LGSN: variants seen among roughly 807,000 people sequenced by gnomAD.
LGSN encodes the protein lengsin.
In LGSN, 21 loss-of-function variants were observed where a neutral mutation model predicts 19.5. The ratio of observed to expected loss-of-function variants is 1.07; its 90% confidence interval spans 0.76 to 1.55. The LOEUF (loss-of-function observed/expected upper bound fraction) is 1.55, where lower values mean the gene tolerates loss of function less well. Among genes scored for constraint, LGSN ranks in the 40% most tolerant of loss-of-function variants. The pLI is 0.00. For missense variants in LGSN, 673 were observed against 608.5 expected (o/e 1.11, Z -1.12); for synonymous variants, 257 against 215.6 (o/e 1.19, Z -1.68).
chr6:63,452,342 G>T, the LGSN span, among the ~76,000 whole-genome samples: 2 of 152,010 alleles, frequency 1.3e-5, no homozygotes, highest in Non-Finnish European at 2.9e-5. Flanking sequence ...TCAAGCTCGT[G>T]GGCTGAAGCA....
At chr6:63,536,160 C>T in the LGSN span, among the ~76,000 whole-genome samples, 1 of 152,082 alleles carries the variant, frequency 6.6e-6, no homozygotes, top group Non-Finnish European at 1.5e-5. Flanking sequence ...GATGAAACCA[C>T]GTCTCTACCA....
chr6:63,343,573 C>A, the LGSN span, among the ~76,000 whole-genome samples: 1 of 152,098 alleles, frequency 6.6e-6, no homozygotes, highest in East Asian at 1.9e-4. Context: ...CCTACTCAAG[C>A]AGCAAGGAAG....
chr6:63,381,527 C>G, the LGSN span, among the ~76,000 whole-genome samples: 1 of 152,176 alleles, frequency 6.6e-6, no homozygotes, highest in Non-Finnish European at 1.5e-5. Context: ...AACAGGCTAG[C>G]ATTTCCTTCA....
chr6:63,456,642 T>C, the LGSN span, among the ~76,000 whole-genome samples: 1 of 151,978 alleles, frequency 6.6e-6, no homozygotes, highest in African/African-American at 2.4e-5. Context: ...TCATACTCAA[T>C]AGAGCCTCCT....
the LGSN span, among the ~76,000 whole-genome samples, chr6:63,527,600 T>C: frequency 2.0e-5 from 3 of 152,340 alleles, no homozygotes; most frequent in African/African-American, 4.8e-5. Flanking sequence ...ACATTAACTA[T>C]TTAAGTTTCG....
the LGSN span, among the ~76,000 whole-genome samples, chr6:63,401,649 T>C: frequency 2.6e-5 from 4 of 152,184 alleles, no homozygotes; most frequent in East Asian, 7.7e-4. Context: ...TCAGTAGGAA[T>C]ACATGCCATG....
At chr6:63,512,879 A>C in the LGSN span, among the ~76,000 whole-genome samples, 6 of 152,224 alleles carry the variant, frequency 3.9e-5, no homozygotes, top group Admixed American at 3.9e-4. Flanking sequence ...TCTTTCAGCA[A>C]ACATTCTTTG....
chr6:63,285,431 T>C (rs558078042), intron 3 of LGSN, among the ~76,000 whole-genome samples, 156 bp downstream of exon 3: 107 of 152,354 alleles, frequency 7.0e-4, no homozygotes, highest in Non-Finnish European at 8.1e-4. Context: ...GGAGCAATAA[T>C]GTGTTTGGGA....
chr6:63,339,688 C>G, the LGSN span, among the ~76,000 whole-genome samples: 7 of 151,992 alleles, frequency 4.6e-5, no homozygotes, highest in African/African-American at 1.7e-4. Flanking sequence ...AGATTGTTAT[C>G]AATAGGTGAG....
chr6:63,289,026 G>A (rs148780155), intron 2 of LGSN, among the ~76,000 whole-genome samples: 1 of 152,302 alleles, frequency 6.6e-6, no homozygotes, highest in African/African-American at 2.4e-5. Context: ...ATTGGCACCT[G>A]CCACACTGTA....
the LGSN span, among the ~76,000 whole-genome samples, chr6:63,449,054 C>T: frequency 3.0e-4 from 46 of 152,152 alleles, no homozygotes; most frequent in Non-Finnish European, 4.0e-4. Flanking sequence ...GCAAATACTA[C>T]GCCATTTTAT....
At chr6:63,324,539 T>C (rs1406576738), upstream of LGSN, among the ~76,000 whole-genome samples, 3 of 152,122 alleles carry the variant, frequency 2.0e-5, no homozygotes, top group Non-Finnish European at 4.4e-5. Flanking sequence ...TAAACAAACT[T>C]TTAAAAATTA....
the LGSN span, among the ~76,000 whole-genome samples, chr6:63,474,545 C>A: frequency 7.9e-6 from 1 of 126,188 alleles, no homozygotes; most frequent in Non-Finnish European, 1.7e-5. Context: ...GGAGGTGGAG[C>A]TTGCAGTGAG....
chr6:63,331,495 G>A, the LGSN span, among the ~76,000 whole-genome samples: 2 of 152,188 alleles, frequency 1.3e-5, no homozygotes, highest in African/African-American at 4.8e-5. Flanking sequence ...GCGTGAGCCT[G>A]TTGATGCCTG....
the LGSN span, among the ~76,000 whole-genome samples, chr6:63,542,905 C>T: frequency 2.6e-5 from 4 of 152,172 alleles, no homozygotes; most frequent in African/African-American, 9.7e-5. Flanking sequence ...CCTCTTATGT[C>T]GTGTTCCTAA....
the LGSN span, among the ~76,000 whole-genome samples, chr6:63,554,867 A>T: frequency 6.6e-6 from 1 of 152,250 alleles, no homozygotes; most frequent in South Asian, 2.1e-4. Context: ...ACTCTTATTT[A>T]TGTTTGTATA....
chr6:63,493,573 G>A, the LGSN span, among the ~76,000 whole-genome samples: 1 of 152,182 alleles, frequency 6.6e-6, no homozygotes, highest in African/African-American at 2.4e-5. Flanking sequence ...GAGTTATTGT[G>A]TCCATCAGAT....
chr6:63,528,934 C>T, the LGSN span, among the ~76,000 whole-genome samples: 1 of 151,788 alleles, frequency 6.6e-6, no homozygotes, highest in African/African-American at 2.4e-5. Flanking sequence ...GCTAAAAATA[C>T]AAAAATTAGC....
At chr6:63,358,154 A>G in the LGSN span, among the ~76,000 whole-genome samples, 1 of 152,110 alleles carries the variant, frequency 6.6e-6, no homozygotes, top group Non-Finnish European at 1.5e-5. Flanking sequence ...GATATGTGGC[A>G]TTATTTCTGA....
Sources: allele counts gnomAD v4.1 joint callset (sites outside exome capture counted in the v4.1 genomes callset), GRCh38; gene constraint gnomAD v4.1.1; transcripts MANE v1.5; gene names NCBI Gene and HGNC (gene_info 2026-07-23, HGNC 2026-07-21).